The following NAALADL2 variants were observed in gnomAD, a reference collection of about 807,000 sequenced individuals.
NAALADL2 encodes the protein N-acetylated alpha-linked acidic dipeptidase like 2, also known as inactive N-acetylated-alpha-linked acidic dipeptidase-like protein 2.
A neutral mutation model predicts 87.2 loss-of-function variants in NAALADL2; 76 were observed. That is an observed-to-expected ratio of 0.87 (90% confidence interval 0.72 to 1.05). The LOEUF is 1.05. NAALADL2 is among the 50% of genes least tolerant of loss of function. The pLI is 0.00. For synonymous variants in NAALADL2, 354 were observed against 331.0 expected (o/e 1.07, Z -0.75); for missense variants, 1,089 against 945.8 (o/e 1.15, Z -1.99).
At chr3:175,458,422 C>T (rs1450728118) in intron 6 of NAALADL2, among the ~76,000 whole-genome samples, 2 of 149,844 alleles carry the variant, frequency 1.3e-5, no homozygotes, top group Non-Finnish European at 3.0e-5. Context: ...TGTATGTTCT[C>T]ATGGATATAT....
At chr3:174,752,740 A>C (rs977423509) in intron 3 of NAALADL2, among the ~76,000 whole-genome samples, 1 of 152,112 alleles carries the variant, frequency 6.6e-6, no homozygotes, top group African/African-American at 2.4e-5. Flanking sequence ...TTATGGATAA[A>C]ATACTTGAGA....
chr3:174,677,113 T>C (rs1727107458), intron 2 of NAALADL2, among the ~76,000 whole-genome samples: 1 of 152,014 alleles, frequency 6.6e-6, no homozygotes, highest in African/African-American at 2.4e-5. Flanking sequence ...CTCTATCATA[T>C]CTATCTGCCG....
chr3:174,757,676 A>AT lies in NAALADL2; in HGVS notation c.-9+19939dup, dbSNP rs1179404563. On this transcript the variant is annotated intron_variant, in intron 3 of 3. Coordinates refer to the NAALADL2 transcript ENST00000434257. The stretch of plus-strand genomic sequence containing the variant: ...CCAGCTAATTTTTGTATTTTATTTT[A>AT]TTTTTTTTTGTAGAGACAGGGTTTC... Among the ~76,000 whole-genome samples, 116 of 149,574 alleles carry AT rather than the reference A, an allele frequency of 7.8e-4. 1 individual carries two copies. The highest frequency in any genetic ancestry group is 1.3e-3 in the Non-Finnish European group (88 of 67,250).
At chr3:174,765,779 T>G (rs2109089180) in intron 3 of NAALADL2, among the ~76,000 whole-genome samples, 1 of 152,314 alleles carries the variant, frequency 6.6e-6, no homozygotes, top group Non-Finnish European at 1.5e-5. Flanking sequence ...GTTTGCATTA[T>G]TTTTCATCAC....
chr3:174,770,141 T>C (rs970767742), intron 3 of NAALADL2, among the ~76,000 whole-genome samples: 8 of 152,324 alleles, frequency 5.3e-5, no homozygotes, highest in African/African-American at 1.9e-4. Flanking sequence ...CACACATGCA[T>C]GTACATGAAG....
In NAALADL2 at chr3:175,455,660, G is replaced by A. The variant is rs186168088; in HGVS notation, c.1235-7741G>A. Among the ~76,000 whole-genome samples, 71 of 152,108 alleles carry A rather than the reference G, an allele frequency of 4.7e-4. 2 individuals carry two copies. The East Asian group carries it at 7.8e-3, about 17-fold the overall frequency. On this transcript the variant is annotated intron_variant, in intron 6 of 13. Coordinates refer to ENST00000454872, the MANE Select transcript of NAALADL2 (RefSeq NM_207015.3). ...TGTGCGCATGTATTAGACAATCAGG[G>A]GATAGCTATATGTACTTGAAAGTTT...
chr3:175,524,395 C>A (rs1733102423), intron 9 of NAALADL2, among the ~76,000 whole-genome samples: 1 of 152,080 alleles, frequency 6.6e-6, no homozygotes, highest in South Asian at 2.1e-4. Flanking sequence ...TGTTTCAAGC[C>A]TTTACTTACT....
At chr3:175,372,543 C>T (rs1766642364) in intron 5 of NAALADL2, among the ~76,000 whole-genome samples, 1 of 152,214 alleles carries the variant, frequency 6.6e-6, no homozygotes, top group Non-Finnish European at 1.5e-5. Flanking sequence ...CTATAGTCAT[C>T]ATTGTAATAT....
At chr3:175,435,495 C>T (rs955383344) in intron 5 of NAALADL2, among the ~76,000 whole-genome samples, 22 of 152,132 alleles carry the variant, frequency 1.4e-4, no homozygotes, top group Middle Eastern at 3.4e-3. Context: ...CTTAACTACA[C>T]ATTAATCAAA....
intron 10 of NAALADL2, among the ~76,000 whole-genome samples, chr3:175,606,673 CT>C (rs1281057827): frequency 6.6e-6 from 1 of 152,112 alleles, no homozygotes; most frequent in Non-Finnish European, 1.5e-5. Context: ...CTTGAATGGA[CT>C]GTATTTAATT....
chr3:175,123,203 CA>C (rs1301359228), intron 2 of NAALADL2, among the ~76,000 whole-genome samples: 2 of 151,790 alleles, frequency 1.3e-5, no homozygotes, highest in Non-Finnish European at 2.9e-5. Flanking sequence ...ATAGGAAGGA[CA>C]AAATCACTTG....
intron 2 of NAALADL2, among the ~76,000 whole-genome samples, chr3:174,708,102 A>G (rs959878134): frequency 1.3e-5 from 2 of 152,172 alleles, no homozygotes; most frequent in African/African-American, 2.4e-5. Context: ...TTTGCCAACA[A>G]TTGCCATTTG....
At chr3:175,800,244 C>T (rs908830788) in intron 13 of NAALADL2, among the ~76,000 whole-genome samples, 3 of 151,502 alleles carry the variant, frequency 2.0e-5, no homozygotes, top group African/African-American at 4.9e-5. Context: ...TACAGAGCTT[C>T]TACACTCCAC....
At chr3:175,527,670 C>T (rs1213122433) in intron 9 of NAALADL2, among the ~76,000 whole-genome samples, 1 of 152,144 alleles carries the variant, frequency 6.6e-6, no homozygotes, top group African/African-American at 2.4e-5. Flanking sequence ...ATAATGACTA[C>T]TTCTCAGCTT....
chr3:175,203,579 T>G (rs1740388283), intron 2 of NAALADL2, among the ~76,000 whole-genome samples: 1 of 150,940 alleles, frequency 6.6e-6, no homozygotes, highest in Admixed American at 6.7e-5. Flanking sequence ...TTGCAGTTGA[T>G]CTGGAACTAA....
intron 1 of NAALADL2, among the ~76,000 whole-genome samples, chr3:174,534,571 C>T (rs939654569): frequency 6.6e-6 from 1 of 152,156 alleles, no homozygotes; most frequent in South Asian, 2.1e-4. Flanking sequence ...CATCTGTATA[C>T]AACAACAGGA....
At chr3:175,772,927 T>A (rs1444870152) in intron 13 of NAALADL2, among the ~76,000 whole-genome samples, 1 of 152,150 alleles carries the variant, frequency 6.6e-6, no homozygotes, top group East Asian at 1.9e-4. Flanking sequence ...TAAAATATCT[T>A]CAACAATAAC....
intron 9 of NAALADL2, among the ~76,000 whole-genome samples, chr3:175,531,725 G>C (rs1025310957): frequency 6.6e-6 from 1 of 152,226 alleles, no homozygotes; most frequent in Admixed American, 6.5e-5. Context: ...CAGGTACCAG[G>C]AGTTGTATTA....
chr3:175,447,279 C>G lies in NAALADL2; in HGVS notation c.1141C>G (p.Pro381Ala), dbSNP rs1008939484. Residue 381 changes from proline (P) to alanine (A), a missense_variant, in exon 6 of 14, where the codon CCC (proline) becomes GCC (alanine). Coordinates refer to ENST00000454872, the MANE Select transcript of NAALADL2 (RefSeq NM_207015.3). ...RSNLTSLLVQ[P>A]ISAPLVAKLI... ...AAACCTCACCTCTCTATTAGTGCAG[C>G]CCATCTCTGCACCCCTCGTTGCAAA... 1.9e-6 allele frequency: 3 copies of G among 1,604,360 alleles called. No homozygotes were observed. Among genetic ancestry groups the G allele is most frequent in the Non-Finnish European group, 2.6e-6 (3 of 1,172,980 alleles).
Sources: allele counts gnomAD v4.1 joint callset (sites outside exome capture counted in the v4.1 genomes callset), GRCh38; gene constraint gnomAD v4.1.1; transcripts MANE v1.5; gene names NCBI Gene and HGNC (gene_info 2026-07-23, HGNC 2026-07-21).